Variants in DLG2 observed in about 807,000 individuals in gnomAD.
DLG2 encodes the protein discs large MAGUK scaffold protein 2, also known as disks large homolog 2.
Under a neutral mutation model 132.5 loss-of-function variants are expected in DLG2, and 45 were observed. The observed-to-expected ratio is 0.34, with a 90% confidence interval of 0.27 to 0.44. The LOEUF is 0.44. Ranked by LOEUF, DLG2 falls within the 20% of genes least tolerant of loss-of-function variation. The pLI is 1.00. For missense variants in DLG2, 1,045 were observed against 1,196.9 expected, an observed-to-expected ratio of 0.87 and a Z score of 1.87; for synonymous variants, 424 against 419.6, an observed-to-expected ratio of 1.01 and a Z score of -0.13.
chr11:84,729,444 T>C (rs971826271), intron 6 of DLG2, among the ~76,000 whole-genome samples: 3 of 152,084 alleles, frequency 2.0e-5, no homozygotes, highest in African/African-American at 4.8e-5. Flanking sequence ...TCCGAGAGAC[T>C]GTTTGTTATG....
At chr11:85,308,636 T>C (rs1225680506) in intron 3 of DLG2, among the ~76,000 whole-genome samples, 1 of 152,196 alleles carries the variant, frequency 6.6e-6, no homozygotes, top group Non-Finnish European at 1.5e-5. Flanking sequence ...ATTTTTGTAG[T>C]TCCCCTTAAC....
At chr11:85,269,618 T>C (rs958136336) in intron 4 of DLG2, among the ~76,000 whole-genome samples, 1 of 152,340 alleles carries the variant, frequency 6.6e-6, no homozygotes, top group Admixed American at 6.5e-5. Context: ...AAGCTTGGCA[T>C]ACTGTTAATA....
At chr11:83,572,864 G>A (rs1394243491) in intron 19 of DLG2, among the ~76,000 whole-genome samples, 1 of 152,078 alleles carries the variant, frequency 6.6e-6, no homozygotes, top group Admixed American at 6.6e-5. Flanking sequence ...TCTTCTGCCT[G>A]ATAACCATCT....
At chr11:84,118,961 A>C (rs2093773077) in intron 9 of DLG2, among the ~76,000 whole-genome samples, 1 of 152,200 alleles carries the variant, frequency 6.6e-6, no homozygotes, top group Admixed American at 6.5e-5. Context: ...AATACACTTC[A>C]AAAGCAAAAC....
chr11:85,460,897 T>C (rs1311599078), intron 3 of DLG2, among the ~76,000 whole-genome samples: 1 of 152,222 alleles, frequency 6.6e-6, no homozygotes, highest in Admixed American at 6.5e-5. Context: ...TTAGGTTTTA[T>C]TTGGGATGAG....
intron 7 of DLG2, among the ~76,000 whole-genome samples, chr11:84,358,266 G>C (rs2098629429): frequency 6.6e-6 from 1 of 151,670 alleles, no homozygotes; most frequent in African/African-American, 2.4e-5. Context: ...CCCTCATTAA[G>C]ACTTGGCATT....
At chr11:84,690,213 T>C (rs1052556780) in intron 6 of DLG2, among the ~76,000 whole-genome samples, 1 of 151,930 alleles carries the variant, frequency 6.6e-6, no homozygotes, top group Non-Finnish European at 1.5e-5. Flanking sequence ...TAGATATTTA[T>C]TGCACTACAT....
rs1273905680 is a variant in DLG2 at position 85,111,730 on chromosome 11, G to C, written c.288C>G (p.Asn96Lys). 6.4e-7 allele frequency: 1 copy of C among 1,555,466 alleles called. No individual in the cohort carries two copies. Among genetic ancestry groups the C allele is most frequent in the South Asian group, 1.2e-5 (1 of 84,106 alleles). The change falls in exon 6 of 28, where the codon AAC becomes AAG. Residue 96 changes from asparagine to lysine, a missense_variant. Physicochemically the swap from Asn to Lys is moderately conservative, Grantham distance 94 (BLOSUM62 0). Coordinates refer to ENST00000376104, the MANE Select transcript of DLG2 (RefSeq NM_001142699.3). ...ENETDETTTQ[N>K]QGRCPAQNCS... The stretch of plus-strand genomic sequence containing the variant: ...AATTCTGGGCTGGGCATCTGCCTTG[G>C]TTTTGCTGCAAATAAGTAAAAATTA...
At position 84,154,434 on chromosome 11, in the gene DLG2, C is replaced by T. The variant is rs562173897; in HGVS notation, c.624+9027G>A. ...TCCCCTTGAGCTGCCAATACTCACACCTGCTGTAGACTTTCCACATTTTCC... is the reference window on the plus strand; with the variant it reads ...TCCCCTTGAGCTGCCAATACTCACATCTGCTGTAGACTTTCCACATTTTCC... On this transcript the variant is annotated intron_variant, in intron 9 of 27. Transcript: ENST00000376104. Among the ~76,000 whole-genome samples, 5 of 152,338 alleles carry T rather than the reference C, an allele frequency of 3.3e-5. No homozygotes were observed. The East Asian group carries it at 9.6e-4, about 29-fold the overall frequency.
intron 11 of DLG2, among the ~76,000 whole-genome samples, chr11:84,037,281 T>C (rs2095892722): frequency 6.6e-6 from 1 of 152,110 alleles, no homozygotes; most frequent in Admixed American, 6.6e-5. Flanking sequence ...TGTCTCTCTT[T>C]TTAAAAAATC....
chr11:84,801,620 T>C (rs924802273), intron 6 of DLG2, among the ~76,000 whole-genome samples: 3 of 152,184 alleles, frequency 2.0e-5, no homozygotes, highest in African/African-American at 7.2e-5. Flanking sequence ...TGTGAGATAA[T>C]TGACCGTGAT....
intron 3 of DLG2, among the ~76,000 whole-genome samples, chr11:85,308,727 C>T (rs568669378): frequency 7.2e-5 from 11 of 152,186 alleles, no homozygotes; most frequent in African/African-American, 2.2e-4. Flanking sequence ...TTTCCTTCCA[C>T]GACTCTAACT....
At chr11:84,395,668 A>T (rs987507160) in intron 7 of DLG2, among the ~76,000 whole-genome samples, 1 of 152,224 alleles carries the variant, frequency 6.6e-6, no homozygotes, top group African/African-American at 2.4e-5. Context: ...CTATCTTGTT[A>T]GTTGTCTGGT....
intron 14 of DLG2, among the ~76,000 whole-genome samples, chr11:83,955,053 T>C (rs933165255): frequency 6.6e-6 from 1 of 152,242 alleles, no homozygotes; most frequent in African/African-American, 2.4e-5. Context: ...TGGTTTTATT[T>C]GTATCACGGT....
At chr11:83,922,197 G>T (rs927892370) in intron 15 of DLG2, among the ~76,000 whole-genome samples, 3 of 152,108 alleles carry the variant, frequency 2.0e-5, no homozygotes, top group African/African-American at 7.2e-5. Flanking sequence ...GTAAATTTAA[G>T]AAATTATCTA....
Position 85,062,248 on chromosome 11 carries a change from G to A in DLG2, c.357+49413C>T, listed in dbSNP as rs1326756561. Among the ~76,000 whole-genome samples the A allele has an allele frequency of 1.3e-5, 2 of 151,676 alleles. 1 individual carries two copies. Among genetic ancestry groups the A allele is most frequent in the Middle Eastern group, 6.3e-3 (2 of 316 alleles). The stretch of plus-strand genomic sequence containing the variant: ...GAAAAGTACAGTTTGACATTTATGG[G>A]TAAAAAATTATATCAATGCAATAGT... On this transcript the variant is annotated intron_variant, in intron 6 of 27. Coordinates refer to ENST00000376104, the MANE Select transcript of DLG2 (RefSeq NM_001142699.3).
chr11:83,988,379 C>T (rs965515644), intron 11 of DLG2, among the ~76,000 whole-genome samples: 1 of 151,624 alleles, frequency 6.6e-6, no homozygotes, highest in African/African-American at 2.4e-5. Flanking sequence ...CAGCTTTGTT[C>T]TTTTTGCTTA....
intron 7 of DLG2, among the ~76,000 whole-genome samples, chr11:84,504,978 T>C (rs2099234621): frequency 6.6e-6 from 1 of 152,164 alleles, no homozygotes; most frequent in Non-Finnish European, 1.5e-5. Flanking sequence ...GAATAGTGTG[T>C]TTTCCATTCA....
At chr11:83,507,765 T>TATATAC (rs2094798179) in intron 21 of DLG2, among the ~76,000 whole-genome samples, 2 of 17,830 alleles carry the variant, frequency 1.1e-4, no homozygotes, top group Admixed American at 3.3e-4. Context: ...TTATTATATA[T>TATATAC]ATATATATAT....
Sources: gnomAD v4.1 joint callset for allele counts (sites outside exome capture counted in the v4.1 genomes callset) on GRCh38, gnomAD v4.1.1 for gene constraint, MANE v1.5 for transcripts, NCBI Gene and HGNC (gene_info 2026-07-23, HGNC 2026-07-21) for gene names.